Variants in G3BP2 observed in about 807,000 individuals in gnomAD.
The protein encoded by G3BP2 is G3BP stress granule assembly factor 2, also known as ras GTPase-activating protein-binding protein 2.
A neutral mutation model predicts 56.7 loss-of-function variants in G3BP2; 11 were observed. That is an observed-to-expected ratio of 0.19 (90% CI 0.12 to 0.32). The LOEUF (loss-of-function observed/expected upper bound fraction) is 0.32, where lower values mean the gene tolerates loss of function less well. G3BP2 is among the 10% of genes least tolerant of loss of function. The pLI, the probability that G3BP2 is intolerant of heterozygous loss-of-function variation, is 1.00. For synonymous variants in G3BP2, 165 were observed against 191.6 expected (o/e 0.86, Z 1.15); for missense variants, 340 against 610.9 (o/e 0.56, Z 4.67).
chr4:75,660,494 C>T lies in G3BP2; in HGVS notation c.95+1437G>A, dbSNP rs557097247. Among the ~76,000 whole-genome samples the T allele has an allele frequency of 2.6e-5, 4 of 152,208 alleles. No homozygotes were observed. The South Asian group carries it at 8.3e-4, about 32-fold the overall frequency. Reference sequence around the variant, plus strand: ...GAGTGATCCTAGATGAATTACTAACCTCAACTGTCTAATAGGTAGAGAGCT... The same window carrying T: ...GAGTGATCCTAGATGAATTACTAACTTCAACTGTCTAATAGGTAGAGAGCT... On this transcript the variant is annotated intron_variant, in intron 2 of 11. Coordinates refer to ENST00000359707, the MANE Select transcript of G3BP2 (RefSeq NM_203505.3).
intron 3 of G3BP2, among the ~76,000 whole-genome samples, chr4:75,707,203 C>T (rs1446526166): frequency 6.9e-6 from 1 of 145,518 alleles, no homozygotes; most frequent in Non-Finnish European, 1.5e-5. Flanking sequence ...ACAGAAAACA[C>T]GGAAAATAGT....
At position 75,645,524 on chromosome 4, in the gene G3BP2, C is replaced by T. The variant is rs745619343; in HGVS notation, c.1355G>A (p.Arg452Lys). The stretch of plus-strand genomic sequence containing the variant: ...CATGCCACCCCTTGGAGGAGGTCCT[C>T]TTCCATCACGATCACGCATCATTCC... ...GGGMMRDRDGRGPPPRGGMAQ... is the reference protein window; with the variant it reads ...GGGMMRDRDGKGPPPRGGMAQ... Residue 452 changes from arginine to lysine, a missense_variant, in exon 12 of 12, where the codon AGA (arginine) becomes AAA (lysine). Arg to Lys is a conservative substitution (Grantham distance 26, BLOSUM62 2). Transcript: ENST00000359707. The T allele has an allele frequency of 6.2e-7, 1 of 1,614,112 alleles. No individual in the cohort carries two copies. The highest frequency in any genetic ancestry group is 8.5e-7 in the Non-Finnish European group (1 of 1,180,012).
Position 75,645,621 on chromosome 4 carries a change from C to T in G3BP2, c.1258G>A (p.Gly420Ser). The change falls in exon 12 of 12, where the codon GGT becomes AGT. Residue 420 changes from glycine (G) to serine (S), a missense_variant. Gly to Ser is a moderately conservative substitution (Grantham distance 56). This residue lies in a region of G3BP2 where 94 missense variants were observed against 173.8 expected (regional missense o/e 0.54). Transcript: ENST00000359707. Reference sequence around the variant, plus strand: ...CTAATATCCCTGCGATCATCACCACCACCTCTGGTTTCTCGCTCTCTTGCA... The same window carrying T: ...CTAATATCCCTGCGATCATCACCACTACCTCTGGTTTCTCGCTCTCTTGCA... The part of the protein sequence containing the change: ...RAARERETRG[G>S]GDDRRDIRRN... 1 of 1,614,016 alleles carries T rather than the reference C, an allele frequency of 6.2e-7. No homozygotes were observed. The highest frequency in any genetic ancestry group is 8.5e-7 in the Non-Finnish European group (1 of 1,179,974).
chr4:75,699,012 C>T (rs780699768), intron 3 of G3BP2, among the ~76,000 whole-genome samples: 113 of 152,126 alleles, frequency 7.4e-4, no homozygotes, highest in Admixed American at 1.6e-3. Flanking sequence ...ACTCTCCTAC[C>T]TCTACTTATG....
chr4:75,706,677 C>CA (rs34804568), intron 3 of G3BP2, among the ~76,000 whole-genome samples: 72,521 of 118,652 alleles, frequency 0.61, 20,907 homozygotes, highest in East Asian at 0.81. Context: ...AACTCTATCT[C>CA]AAAAAAAAAA....
intron 8 of G3BP2, among the ~76,000 whole-genome samples, chr4:75,651,676 C>G (rs1731709413): frequency 6.6e-6 from 1 of 152,116 alleles, no homozygotes; most frequent in South Asian, 2.1e-4. Context: ...GCCAATATGC[C>G]ACACAGTAGA....
chr4:75,655,635 C>T, intron 6 of G3BP2, 133 bp downstream of exon 6: 1 of 610,948 alleles, frequency 1.6e-6, no homozygotes, highest in Non-Finnish European at 2.9e-6. Context: ...CTTGCATATA[C>T]ACAATAGGTA....
chr4:75,659,104 G>A (rs988873656), intron 2 of G3BP2, among the ~76,000 whole-genome samples, 180 bp from the exon 3 acceptor site: 2 of 152,174 alleles, frequency 1.3e-5, no homozygotes, highest in African/African-American at 2.4e-5. Context: ...ACAGGAACAG[G>A]AACTACTCCA....
At chr4:75,712,222 T>C (rs1183442079) in intron 3 of G3BP2, among the ~76,000 whole-genome samples, 2 of 152,168 alleles carry the variant, frequency 1.3e-5, no homozygotes, top group African/African-American at 4.8e-5. Flanking sequence ...ATATATCTAC[T>C]CTTAGTTTAT....
rs1163841908 is a variant in G3BP2, at chr4:75,658,756, A to G, written c.177+87T>C. On this transcript the variant is annotated intron_variant, in intron 3 of 11. Coordinates refer to ENST00000359707, the MANE Select transcript of G3BP2 (RefSeq NM_203505.3). The stretch of plus-strand genomic sequence containing the variant: ...AAAAAAAGAGAAAGAAAGAAAGAAA[A>G]AAAAAGCCATGGACACAAGAAGGCT... The G allele has an allele frequency of 2.5e-5, 21 of 847,282 alleles. No individual in the cohort carries two copies. In the Admixed American group the frequency reaches 3.1e-4, roughly 12 times the overall value. The allele number at this position is 847,282 out of a possible 1,614,324, so 52.5% of individuals were successfully genotyped here. A position where few individuals can be genotyped will look rare whatever the true frequency, so the allele number is the denominator to read the frequency against.
intron 3 of G3BP2, among the ~76,000 whole-genome samples, chr4:75,708,427 G>C (rs1041941581): frequency 1.3e-5 from 2 of 152,156 alleles, no homozygotes; most frequent in Non-Finnish European, 2.9e-5. Context: ...ACATGATCTT[G>C]ATTGACGTCA....
At chr4:75,682,600 A>G (rs1162822436) in intron 3 of G3BP2, among the ~76,000 whole-genome samples, 1 of 152,174 alleles carries the variant, frequency 6.6e-6, no homozygotes, top group Non-Finnish European at 1.5e-5. Context: ...TAAAAAATCA[A>G]CTGTATGGAA....
At chr4:75,710,906 C>T (rs1719730161) in intron 3 of G3BP2, among the ~76,000 whole-genome samples, 1 of 152,082 alleles carries the variant, frequency 6.6e-6, no homozygotes, top group Non-Finnish European at 1.5e-5. Context: ...TCAGGCAATC[C>T]TTCTGCCTTG....
chr4:75,653,503 T>C (rs1731856353), intron 8 of G3BP2, among the ~76,000 whole-genome samples: 1 of 150,530 alleles, frequency 6.6e-6, no homozygotes, highest in Non-Finnish European at 1.5e-5. Context: ...TGGTACAGGC[T>C]TCAATTAAGT....
intron 3 of G3BP2, among the ~76,000 whole-genome samples, chr4:75,691,252 G>C (rs1038775210): frequency 1.3e-5 from 2 of 152,022 alleles, no homozygotes; most frequent in Non-Finnish European, 2.9e-5. Context: ...GGTAATTTTT[G>C]TATTTTTAGT....
At position 75,648,577 on chromosome 4, in the gene G3BP2, A is replaced by G. The variant is rs575464367; in HGVS notation, c.928+62T>C. 2.0e-5 allele frequency: 17 copies of G among 855,274 alleles called. 1 individual carries two copies. In the South Asian group the frequency reaches 2.2e-4, roughly 11 times the overall value. The allele number at this position is 855,274 out of a possible 1,614,324, so 53.0% of individuals were successfully genotyped here. A position where few individuals can be genotyped will look rare whatever the true frequency, so the allele number is the denominator to read the frequency against. On this transcript the variant is annotated intron_variant, in intron 9 of 11. Transcript: ENST00000359707. ...AGAACGCATCATAGTTTTTTGTTTA[A>G]GTTCAGTCTTTTACAGCCTTACAAA...
chr4:75,664,936 A>C (rs1012194864), intron 1 of G3BP2, among the ~76,000 whole-genome samples: 5 of 151,200 alleles, frequency 3.3e-5, no homozygotes, highest in African/African-American at 1.2e-4. Context: ...GTGGCAGGAA[A>C]GCTTGAGGCC....
At chr4:75,684,793 C>T (rs1320775699) in intron 3 of G3BP2, among the ~76,000 whole-genome samples, 2 of 144,734 alleles carry the variant, frequency 1.4e-5, no homozygotes, top group African/African-American at 5.0e-5. Flanking sequence ...ATGTATGTCT[C>T]TTTTTTTTTT....
chr4:75,653,589 T>TAAAAAA (rs11422883), intron 8 of G3BP2, among the ~76,000 whole-genome samples: 1 of 121,534 alleles, frequency 8.2e-6, no homozygotes, highest in Non-Finnish European at 1.7e-5. Context: ...TTTTTTGCTT[T>TAAAAAA]AAAAAAAAAA....
Sources: allele counts gnomAD v4.1 joint callset (sites outside exome capture counted in the v4.1 genomes callset), GRCh38; gene constraint gnomAD v4.1.1; regional missense constraint gnomAD v4.1.1; transcripts MANE v1.5; gene names NCBI Gene and HGNC (gene_info 2026-07-23, HGNC 2026-07-21).